The following ANKRD27 variants were observed in gnomAD, a reference collection of about 807,000 sequenced individuals.
The protein encoded by ANKRD27 is ankyrin repeat domain-containing protein 27.
Under a neutral mutation model 129.7 loss-of-function variants are expected in ANKRD27, and 112 were observed. The ratio of observed to expected loss-of-function variants is 0.86; its 90% CI spans 0.74 to 1.01. The LOEUF (loss-of-function observed/expected upper bound fraction) is 1.01. Ranked by LOEUF, ANKRD27 falls within the 50% of genes least tolerant of loss-of-function variation. ANKRD27 has a pLI of 0.00. For synonymous variants in ANKRD27, 516 were observed against 511.2 expected (o/e 1.01, Z -0.13); for missense variants, 1,258 against 1,300.5 (o/e 0.97, Z 0.50).
chr19:32,626,880 C>T, intron 15 of ANKRD27, 53 bp from the exon 16 acceptor site: 1 of 1,270,942 alleles, frequency 7.9e-7, no homozygotes, highest in Non-Finnish European at 1.1e-6. Flanking sequence ...AGGCCTTCCA[C>T]ACCTTAACTG....
At chr19:32,626,943 A>G in intron 15 of ANKRD27, 116 bp from the exon 16 acceptor site, 1 of 610,322 alleles carries the variant, frequency 1.6e-6, no homozygotes, top group Non-Finnish European at 2.8e-6. Flanking sequence ...AACCCACGGT[A>G]GATACTTTTT....
intron 9 of ANKRD27, 98 bp from the exon 10 acceptor site, chr19:32,642,243 C>G (rs1967216166): frequency 8.1e-7 from 1 of 1,233,900 alleles, no homozygotes; most frequent in Non-Finnish European, 1.1e-6. Context: ...CTTCTCACAA[C>G]AAACCAGAAG....
At chr19:32,669,879 C>A (rs748606063) in intron 1 of ANKRD27, among the ~76,000 whole-genome samples, 25 of 151,786 alleles carry the variant, frequency 1.6e-4, no homozygotes, top group Non-Finnish European at 3.2e-4. Flanking sequence ...CACCTGTAGT[C>A]CCAGCTACTT....
intron 1 of ANKRD27, among the ~76,000 whole-genome samples, chr19:32,672,216 G>A (rs542066952): frequency 3.9e-5 from 6 of 152,310 alleles, no homozygotes; most frequent in African/African-American, 1.2e-4. Flanking sequence ...TCTCCATTTG[G>A]TCTAATTTAT....
chr19:32,661,620 G>A (rs781696170), intron 1 of ANKRD27, among the ~76,000 whole-genome samples: 1 of 152,164 alleles, frequency 6.6e-6, no homozygotes, highest in Non-Finnish European at 1.5e-5. Flanking sequence ...TGGGATTACA[G>A]GCATGAGTCA....
chr19:32,660,273 A>G (rs1219548469), intron 1 of ANKRD27, among the ~76,000 whole-genome samples: 1 of 152,194 alleles, frequency 6.6e-6, no homozygotes, highest in Non-Finnish European at 1.5e-5. Flanking sequence ...AGCCGGGCAC[A>G]GTGGCTCATG....
intron 4 of ANKRD27, 52 bp downstream of exon 4, chr19:32,646,407 A>G (rs371213642): frequency 2.6e-6 from 4 of 1,561,410 alleles, no homozygotes; most frequent in Non-Finnish European, 3.5e-6. Flanking sequence ...GAACAAGTTC[A>G]ACAAACACAT....
In ANKRD27 at chr19:32,642,816, G is replaced by A. The variant is rs924605424; in HGVS notation, c.782+307C>T. Among the ~76,000 whole-genome samples the A allele has an allele frequency of 7.2e-5, 11 of 152,228 alleles. No homozygotes were observed. In the East Asian group the frequency reaches 1.9e-3, roughly 27 times the overall value. ...CAAGGTTCCCTTGGGTGGGCAGGTGGGATGTCCCCTGCACGCAGAACCCAC... is the reference window on the plus strand; with the variant it reads ...CAAGGTTCCCTTGGGTGGGCAGGTGAGATGTCCCCTGCACGCAGAACCCAC... On this transcript the variant is annotated intron_variant, in intron 9 of 28. Coordinates refer to ENST00000306065, the MANE Select transcript of ANKRD27 (RefSeq NM_032139.3).
chr19:32,605,741 C>T, intron 24 of ANKRD27, 94 bp downstream of exon 24: 3 of 1,531,950 alleles, frequency 2.0e-6, no homozygotes, highest in Non-Finnish European at 2.7e-6. Flanking sequence ...GTGGCCGGGC[C>T]TCTCCATCCC....
chr19:32,636,527 T>A (rs1247036734), intron 12 of ANKRD27: 1 of 151,460 alleles, frequency 6.6e-6, no homozygotes, highest in African/African-American at 2.4e-5. Flanking sequence ...AAGATACAAT[T>A]GTGTATGCAC....
intron 24 of ANKRD27, among the ~76,000 whole-genome samples, chr19:32,604,895 T>A (rs1599732874): frequency 6.7e-6 from 1 of 149,664 alleles, no homozygotes; most frequent in African/African-American, 2.5e-5. Context: ...CCATCTCTAC[T>A]AAAAAAAAAC....
intron 17 of ANKRD27, among the ~76,000 whole-genome samples, chr19:32,623,883 C>T (rs894946135): frequency 1.2e-4 from 18 of 152,036 alleles, no homozygotes; most frequent in African/African-American, 4.3e-4. Context: ...CCCCTGCTCT[C>T]CTCTCTGGAC....
At chr19:32,620,956 G>A (rs960810979) in intron 18 of ANKRD27, among the ~76,000 whole-genome samples, 1 of 151,258 alleles carries the variant, frequency 6.6e-6, no homozygotes, top group African/African-American at 2.4e-5. Context: ...TGTTTATGGC[G>A]TAGATGGTGG....
Position 32,597,762 on chromosome 19 carries a change from T to G in ANKRD27, c.*383A>C. On this transcript the variant is annotated 3_prime_UTR_variant, in exon 29 of 29. Transcript: ENST00000306065. ...CTAGGTGGAGGAATTCTAGCTGTGGTTTGTGAATGTACACAGGTCAGAGAG... is the reference window on the plus strand; with the variant it reads ...CTAGGTGGAGGAATTCTAGCTGTGGGTTGTGAATGTACACAGGTCAGAGAG... 1 of 219,920 alleles carries G rather than the reference T, an allele frequency of 4.5e-6. No individual in the cohort carries two copies. Among genetic ancestry groups the G allele is most frequent in the Non-Finnish European group, 9.2e-6 (1 of 108,414 alleles). The allele number at this position is 219,920 out of a possible 1,614,324, so 13.6% of individuals were successfully genotyped here. A position where few individuals can be genotyped will look rare whatever the true frequency, so the allele number is the denominator to read the frequency against.
intron 2 of ANKRD27, among the ~76,000 whole-genome samples, chr19:32,650,012 C>T (rs113880008): frequency 6.6e-6 from 1 of 152,252 alleles, no homozygotes; most frequent in Non-Finnish European, 1.5e-5. Flanking sequence ...ATCAGCCTCA[C>T]CCCACCACAG....
intron 2 of ANKRD27, among the ~76,000 whole-genome samples, chr19:32,656,835 T>G (rs1967547501): frequency 6.6e-6 from 1 of 151,602 alleles, no homozygotes; most frequent in Non-Finnish European, 1.5e-5. Context: ...TCTTGGTGAA[T>G]CCTCACCATC....
intron 9 of ANKRD27, 58 bp from the exon 10 acceptor site, chr19:32,642,203 TGGA>T: frequency 6.9e-7 from 1 of 1,454,998 alleles, no homozygotes; most frequent in Non-Finnish European, 9.2e-7. Flanking sequence ...CCCTCTGGCC[TGGA>T]TCTAAGAACA....
At chr19:32,627,382 A>ATTT (rs1568405287) in intron 15 of ANKRD27, among the ~76,000 whole-genome samples, 1 of 92,040 alleles carries the variant, frequency 1.1e-5, no homozygotes, top group Non-Finnish European at 2.8e-5. Flanking sequence ...TTATTTATTT[A>ATTT]TTTATTTATT....
chr19:32,653,681 T>A (rs1967463281), intron 2 of ANKRD27, among the ~76,000 whole-genome samples: 1 of 132,696 alleles, frequency 7.5e-6, no homozygotes, highest in Non-Finnish European at 1.6e-5. Context: ...TGTGGGGGCA[T>A]CCCCACAAAA....
Sources: allele counts gnomAD v4.1 joint callset (sites outside exome capture counted in the v4.1 genomes callset), GRCh38; gene constraint gnomAD v4.1.1; transcripts MANE v1.5; gene names NCBI Gene and HGNC (gene_info 2026-07-23, HGNC 2026-07-21).